RASAL2: variants seen among roughly 807,000 people sequenced by gnomAD.
RASAL2 encodes the protein RAS protein activator like 2.
Under a neutral mutation model 128.9 loss-of-function variants are expected in RASAL2, and 58 were observed. That is an observed-to-expected ratio of 0.45 (90% CI 0.36 to 0.56). The LOEUF is 0.56. Among genes scored for constraint, RASAL2 ranks in the 20% least tolerant of loss-of-function variants. The pLI, the probability that RASAL2 is intolerant of heterozygous loss-of-function variation, is 0.00. For missense variants in RASAL2, 1,360 were observed against 1,601.6 expected, an observed-to-expected ratio of 0.85 and a Z score of 2.57; for synonymous variants, 561 against 580.8, an observed-to-expected ratio of 0.97 and a Z score of 0.49.
chr1:178,396,676 A>G (rs1673251966), intron 4 of RASAL2, among the ~76,000 whole-genome samples: 2 of 152,060 alleles, frequency 1.3e-5, no homozygotes, highest in Admixed American at 6.5e-5. Context: ...TTCATAACCA[A>G]TGCCAGTAGC....
In RASAL2 at chr1:178,477,515, G is replaced by C. The variant is rs1648760214; in HGVS notation, c.*4276G>C. Reference sequence around the variant, plus strand: ...CTTAGGAGGAGTGAAAGAACCTGAGGAAGAGACACGACCCTAAGGGAATGA... The same window carrying C: ...CTTAGGAGGAGTGAAAGAACCTGAGCAAGAGACACGACCCTAAGGGAATGA... On this transcript the variant is annotated 3_prime_UTR_variant, in exon 18 of 18. Coordinates refer to ENST00000367649, the MANE Select transcript of RASAL2 (RefSeq NM_170692.4). The C allele has an allele frequency of 6.6e-6, 1 of 152,150 alleles. No homozygotes were observed. The highest frequency in any genetic ancestry group is 1.5e-5 in the Non-Finnish European group (1 of 68,030). The allele number at this position is 152,150 out of a possible 1,614,324, so 9.4% of individuals were successfully genotyped here.
intron 3 of RASAL2, among the ~76,000 whole-genome samples, 200 bp downstream of exon 3, chr1:178,300,318 G>T (rs1667711140): frequency 6.6e-6 from 1 of 152,188 alleles, no homozygotes; most frequent in Admixed American, 6.5e-5. Flanking sequence ...TAAAGAGAAA[G>T]ACTTTATGTG....
chr1:178,311,253 A>ACACACACACACACAC (rs1668232217), intron 3 of RASAL2, among the ~76,000 whole-genome samples: 1 of 143,700 alleles, frequency 7.0e-6, no homozygotes, highest in African/African-American at 2.6e-5. Flanking sequence ...CACACACACA[A>ACACACACACACACAC]ACACACACAC....
chr1:178,253,448 A>G (rs1001021715), intron 1 of RASAL2, among the ~76,000 whole-genome samples: 1 of 152,098 alleles, frequency 6.6e-6, no homozygotes, highest in African/African-American at 2.4e-5. Flanking sequence ...AAGTGTCCCT[A>G]TATTTGAGAT....
intron 11 of RASAL2, 49 bp downstream of exon 11, chr1:178,452,701 T>C (rs1437467218): frequency 6.7e-7 from 1 of 1,486,828 alleles, no homozygotes; most frequent in Non-Finnish European, 9.3e-7. Context: ...TAAAAAATAC[T>C]TGAGGCCTAA....
At chr1:178,327,437 T>A (rs550742083) in intron 3 of RASAL2, among the ~76,000 whole-genome samples, 2 of 152,162 alleles carry the variant, frequency 1.3e-5, no homozygotes, top group East Asian at 3.9e-4. Flanking sequence ...CCTCAACCTC[T>A]TGAGTTCAAG....
intron 4 of RASAL2, among the ~76,000 whole-genome samples, chr1:178,400,973 ACTCCTGCC>A (rs1673588842): frequency 6.6e-6 from 1 of 151,772 alleles, no homozygotes; most frequent in South Asian, 2.1e-4. Flanking sequence ...CTGGTCTTGA[ACTCCTGCC>A]CTCAGGTGAT....
chr1:178,176,281 A>G (rs1661888546), intron 1 of RASAL2, among the ~76,000 whole-genome samples: 1 of 151,966 alleles, frequency 6.6e-6, no homozygotes, highest in African/African-American at 2.4e-5. Flanking sequence ...GAATAAGGTG[A>G]TATCTCCTTG....
intron 1 of RASAL2, among the ~76,000 whole-genome samples, chr1:178,237,539 T>C (rs1483237527): frequency 6.6e-6 from 1 of 152,192 alleles, no homozygotes; most frequent in Non-Finnish European, 1.5e-5. Flanking sequence ...ACAGAGCCAG[T>C]GGTTTACGAG....
intron 1 of RASAL2, among the ~76,000 whole-genome samples, chr1:178,278,991 A>G (rs1666654503): frequency 6.6e-6 from 1 of 152,174 alleles, no homozygotes; most frequent in Admixed American, 6.5e-5. Context: ...CTAAATTTAT[A>G]TTAGCATTTG....
intron 3 of RASAL2, among the ~76,000 whole-genome samples, chr1:178,350,346 G>A (rs879606059): frequency 4.6e-5 from 7 of 152,000 alleles, no homozygotes; most frequent in African/African-American, 7.2e-5. Context: ...TCAGCCCCCC[G>A]AGTAGCTGGA....
chr1:178,419,604 G>C (rs911658625), intron 4 of RASAL2, among the ~76,000 whole-genome samples: 2 of 152,102 alleles, frequency 1.3e-5, no homozygotes, highest in Non-Finnish European at 2.9e-5. Flanking sequence ...ATTTTAATAT[G>C]CTTCTATAAG....
intron 3 of RASAL2, among the ~76,000 whole-genome samples, chr1:178,325,237 G>T (rs1668982105): frequency 6.6e-6 from 1 of 152,104 alleles, no homozygotes. Context: ...AAAATTCAAG[G>T]TAGAAAATAG....
In RASAL2 at chr1:178,134,341, C is replaced by G. The variant is rs940803983; in HGVS notation, c.202+39647C>G. On this transcript the variant is annotated intron_variant, in intron 1 of 17. Transcript: ENST00000367649. ...AGGACATGGCCTAGAGTGAGTAGTCCCAGCTACTTGGGAAGCTGAGGTGGG... is the reference window on the plus strand; with the variant it reads ...AGGACATGGCCTAGAGTGAGTAGTCGCAGCTACTTGGGAAGCTGAGGTGGG... 4.0e-5 allele frequency among the ~76,000 whole-genome samples: 6 copies of G among 151,524 alleles called. No individual in the cohort carries two copies. In the East Asian group the frequency reaches 1.2e-3, roughly 30 times the overall value.
intron 1 of RASAL2, among the ~76,000 whole-genome samples, chr1:178,267,760 G>C (rs577130296): frequency 6.6e-6 from 1 of 150,914 alleles, no homozygotes; most frequent in African/African-American, 2.4e-5. Context: ...TCCTGACCTC[G>C]TGATCACCCA....
At chr1:178,438,102 TTGTGTGTGTGTGTGTG>T (rs58641965) in intron 5 of RASAL2, among the ~76,000 whole-genome samples, 53 of 142,140 alleles carry the variant, frequency 3.7e-4, no homozygotes, top group Non-Finnish European at 4.9e-4. Context: ...AAATGGTGGC[TTGTGTGTGTGTGTGTG>T]TGTGTGTGTG....
chr1:178,165,987 T>C (rs966324709), intron 1 of RASAL2, among the ~76,000 whole-genome samples: 1 of 152,110 alleles, frequency 6.6e-6, no homozygotes, highest in Admixed American at 6.6e-5. Flanking sequence ...TTTGTACGTA[T>C]GTGCACATAC....
rs966118304 is a variant in RASAL2 at position 178,470,663 on chromosome 1, A to G, written c.3679-2412A>G. 2.2e-6 allele frequency: 3 copies of G among 1,362,100 alleles called. No homozygotes were observed. In the African/African-American group the frequency reaches 4.4e-5, roughly 20 times the overall value. The allele number at this position is 1,362,100 out of a possible 1,614,324, so 84.4% of individuals were successfully genotyped here. On this transcript the variant is annotated intron_variant, in intron 17 of 17. Transcript: ENST00000367649. ...AAAGCAGCTGCCTAGTTACTGTTGC[A>G]AGTGATATCTCCGCTGTGTTAAATT...
intron 1 of RASAL2, among the ~76,000 whole-genome samples, chr1:178,169,577 T>C (rs1311162648): frequency 2.0e-5 from 3 of 152,130 alleles, no homozygotes; most frequent in South Asian, 4.1e-4. Flanking sequence ...CCAAGAGATA[T>C]GCGGAAGTCT....
Sources: gnomAD v4.1 joint callset for allele counts (sites outside exome capture counted in the v4.1 genomes callset) on GRCh38, gnomAD v4.1.1 for gene constraint, MANE v1.5 for transcripts, NCBI Gene and HGNC (gene_info 2026-07-23, HGNC 2026-07-21) for gene names.